Variants in KIAA2013 observed in about 807,000 individuals in gnomAD.
The protein encoded by KIAA2013 is uncharacterized protein KIAA2013.
Under a neutral mutation model 39.9 loss-of-function variants are expected in KIAA2013, and 20 were observed. The ratio of observed to expected loss-of-function variants is 0.50; its 90% CI spans 0.35 to 0.73. KIAA2013 has a LOEUF of 0.73. Among genes scored for constraint, KIAA2013 ranks in the 30% least tolerant of loss-of-function variants. KIAA2013 has a pLI of 0.01. For synonymous variants in KIAA2013, 336 were observed against 416.6 expected (o/e 0.81, Z 2.35); for missense variants, 587 against 856.1 (o/e 0.69, Z 3.92).
At chr1:11,921,785 G>A (rs1387133393) in intron 2 of KIAA2013, among the ~76,000 whole-genome samples, 1 of 151,876 alleles carries the variant, frequency 6.6e-6, no homozygotes, top group Non-Finnish European at 1.5e-5. Flanking sequence ...CCTGACCTCA[G>A]GTGATCTGCC....
At chr1:11,921,536 ATTATTAT>A (rs1278600073) in intron 2 of KIAA2013, among the ~76,000 whole-genome samples, 11 of 151,112 alleles carry the variant, frequency 7.3e-5, no homozygotes, top group African/African-American at 1.7e-4. Context: ...TTTTATTATT[ATTATTAT>A]TTATTATTTA....
At position 11,925,641 on chromosome 1, in the gene KIAA2013, G is replaced by C. The variant is rs184643995; in HGVS notation, c.597C>G (p.Pro199=). ...GCTGGATGCGCTGCAGGTAGACGTG[G>C]GGTCGGCCCCTGTGCGCCAGAAAGT... ...QEDFLAHRGR[P]HVYLQRIQLN... The change falls in exon 1 of 3, where the codon CCC becomes CCG. Residue 199 remains proline (P), a synonymous_variant. Coordinates refer to ENST00000376572, the MANE Select transcript of KIAA2013 (RefSeq NM_138346.3). This position sits in a 1 kb window ranked among gnomAD's most constrained non-coding sequence, Gnocchi z 5.2. 1.0e-3 allele frequency: 1,625 copies of C among 1,608,748 alleles called. 24 individuals carry two copies. The Admixed American group carries it at 0.017, about 17-fold the overall frequency.
At position 11,920,159 on chromosome 1, in the gene KIAA2013, A is replaced by T. The variant is rs1645466198; in HGVS notation, c.*156T>A. Reference sequence around the variant, plus strand: ...GTGACACTCATTCCTTCCAATGCAAACTCTGGTGTATCCACACTCACTTCT... The same window carrying T: ...GTGACACTCATTCCTTCCAATGCAATCTCTGGTGTATCCACACTCACTTCT... On this transcript the variant is annotated 3_prime_UTR_variant, in exon 3 of 3. Coordinates refer to ENST00000376572, the MANE Select transcript of KIAA2013 (RefSeq NM_138346.3). 1 of 790,328 alleles carries T rather than the reference A, an allele frequency of 1.3e-6. No individual in the cohort carries two copies. The highest frequency in any genetic ancestry group is 2.2e-6 in the Non-Finnish European group (1 of 449,236). 49.0% of individuals were successfully genotyped at this position (790,328 alleles called of 1,614,324 possible). A position where few individuals can be genotyped will look rare whatever the true frequency, so the allele number is the denominator to read the frequency against.
rs35040868 is a variant in KIAA2013 at position 11,922,152 on chromosome 1, ATT to A, written c.1887+482_1887+483del. 864 of 124,430 alleles carry A rather than the reference ATT, an allele frequency of 6.9e-3. 1 individual carries two copies. The highest frequency in any genetic ancestry group is 7.6e-3 in the African/African-American group (240 of 31,704). The allele number at this position is 124,430 out of a possible 1,614,324, so 7.7% of individuals were successfully genotyped here. Reference sequence around the variant, plus strand: ...CATGAGCCACCAGGCCCTGCCTCTAATTTTTTTTTTTTTTTTTTTTTTACTTT... The same window carrying A: ...CATGAGCCACCAGGCCCTGCCTCTAATTTTTTTTTTTTTTTTTTTTACTTT... On this transcript the variant is annotated intron_variant, in intron 2 of 2. Transcript: ENST00000376572.
intron 1 of KIAA2013, among the ~76,000 whole-genome samples, chr1:11,924,910 C>G (rs1406226275): frequency 6.6e-6 from 1 of 152,206 alleles, no homozygotes; most frequent in Middle Eastern, 3.2e-3. Context: ...TCACTCTGCT[C>G]ACATCAGGCC....
chr1:11,922,554 C>T (rs778928378), intron 2 of KIAA2013, 82 bp downstream of exon 2: 3 of 1,568,258 alleles, frequency 1.9e-6, no homozygotes, highest in Admixed American at 3.8e-5. Flanking sequence ...CTCACCCCCC[C>T]TCGCCAGGCT....
In KIAA2013 at chr1:11,923,471, ATCT is replaced by A. The variant is rs750737879; in HGVS notation, c.1049_1051del (p.Lys350del). On this transcript the variant is annotated inframe_deletion, in exon 2 of 3. Coordinates refer to ENST00000376572, the MANE Select transcript of KIAA2013 (RefSeq NM_138346.3). The surrounding 1 kb of genome is among the most constrained non-coding windows in gnomAD (Gnocchi z 4.6). The stretch of plus-strand genomic sequence containing the variant: ...GCCAGACGGCGTGTGGGTGTCAGTG[ATCT>A]TCTTCATTTCCACTCCTGCAACACC... 66 of 1,606,106 alleles carry A rather than the reference ATCT, an allele frequency of 4.1e-5. No individual in the cohort carries two copies. Among genetic ancestry groups the A allele is most frequent in the Non-Finnish European group, 4.9e-5 (58 of 1,179,978 alleles).
chr1:11,925,162 G>A lies in KIAA2013; in HGVS notation c.1033+43C>T, dbSNP rs1420170323. On this transcript the variant is annotated intron_variant, in intron 1 of 2. Coordinates refer to ENST00000376572, the MANE Select transcript of KIAA2013 (RefSeq NM_138346.3). The surrounding 1 kb of genome is among the most constrained non-coding windows in gnomAD (Gnocchi z 5.2). ...TTCAGTGTCACCTCTGCAGACTTGG[G>A]AGGGACATATCTAGGGTGGACCAAG... 3 of 1,507,152 alleles carry A rather than the reference G, an allele frequency of 2.0e-6. No individual in the cohort carries two copies. The highest frequency in any genetic ancestry group is 4.6e-5 in the East Asian group (2 of 43,922). The allele number at this position is 1,507,152 out of a possible 1,614,324, so 93.4% of individuals were successfully genotyped here. A position where few individuals can be genotyped will look rare whatever the true frequency, so the allele number is the denominator to read the frequency against.
intron 2 of KIAA2013, 142 bp downstream of exon 2, chr1:11,922,494 T>A: frequency 6.6e-7 from 1 of 1,523,780 alleles, no homozygotes. Flanking sequence ...TTGTGCGCGC[T>A]CTCTGGTGTC....
At position 11,925,270 on chromosome 1, in the gene KIAA2013, A is replaced by G; in HGVS notation, c.968T>C (p.Leu323Ser). Residue 323 changes from leucine to serine, a missense_variant, in exon 1 of 3, where the codon TTG becomes TCG. By Grantham distance (145) the Leu-to-Ser change is moderately radical. Coordinates refer to ENST00000376572, the MANE Select transcript of KIAA2013 (RefSeq NM_138346.3). The surrounding 1 kb of genome is among the most constrained non-coding windows in gnomAD (Gnocchi z 5.2). Reference protein sequence around the residue: ...DLARKEMLELLDMPAAELLQD... With the variant: ...DLARKEMLELSDMPAAELLQD... ...AAGCAGCTCCGCCGCTGGCATGTCCAAGAGCTCCAGCATTTCCTTCCGTGC... is the reference window on the plus strand; with the variant it reads ...AAGCAGCTCCGCCGCTGGCATGTCCGAGAGCTCCAGCATTTCCTTCCGTGC... 6.2e-7 allele frequency: 1 copy of G among 1,612,370 alleles called. No homozygotes were observed. The highest frequency in any genetic ancestry group is 8.5e-7 in the Non-Finnish European group (1 of 1,179,166).
rs61731864 is a variant in KIAA2013 at position 11,923,296 on chromosome 1, G to C, written c.1227C>G (p.Ala409=). 6.2e-7 allele frequency: 1 copy of C among 1,613,300 alleles called. No individual in the cohort carries two copies. Among genetic ancestry groups the C allele is most frequent in the Non-Finnish European group, 8.5e-7 (1 of 1,179,502 alleles). ...ACAGCCGCCCCGGCCACAGGTTCTC[G>C]GCGTGCATGGTGGCGTGCCCGCTGA... ...HCFSGHATMH[A]ENLWPGRLSS... Residue 409 remains alanine, a synonymous_variant, in exon 2 of 3, where the codon GCC becomes GCG. Coordinates refer to ENST00000376572, the MANE Select transcript of KIAA2013 (RefSeq NM_138346.3). This position sits in a 1 kb window ranked among gnomAD's most constrained non-coding sequence, Gnocchi z 4.6.
rs1344142225 is a variant in KIAA2013 at position 11,923,745 on chromosome 1, T to G, written c.1034-256A>C. Among the ~76,000 whole-genome samples, 2 of 152,114 alleles carry G rather than the reference T, an allele frequency of 1.3e-5. No individual in the cohort carries two copies. Among genetic ancestry groups the G allele is most frequent in the Non-Finnish European group, 2.9e-5 (2 of 67,996 alleles). ...GCCAGAGCCCAGAGGAACACAGACT[T>G]AGCCAGGACTTGGCACCAACCCTAT... On this transcript the variant is annotated intron_variant, in intron 1 of 2. Transcript: ENST00000376572. This position sits in a 1 kb window ranked among gnomAD's most constrained non-coding sequence, Gnocchi z 4.6.
Position 11,925,166 on chromosome 1 carries a change from G to T in KIAA2013, c.1033+39C>A. The stretch of plus-strand genomic sequence containing the variant: ...GTGTCACCTCTGCAGACTTGGGAGG[G>T]ACATATCTAGGGTGGACCAAGCGCT... On this transcript the variant is annotated intron_variant, in intron 1 of 2. Transcript: ENST00000376572. The surrounding 1 kb of genome is among the most constrained non-coding windows in gnomAD (Gnocchi z 5.2). 6.6e-7 allele frequency: 1 copy of T among 1,512,224 alleles called. No homozygotes were observed. Among genetic ancestry groups the T allele is most frequent in the Non-Finnish European group, 8.9e-7 (1 of 1,127,836 alleles). 93.7% of individuals were successfully genotyped at this position (1,512,224 alleles called of 1,614,324 possible). A position where few individuals can be genotyped will look rare whatever the true frequency, so the allele number is the denominator to read the frequency against.
rs1645487125 is a variant in KIAA2013 at position 11,923,397 on chromosome 1, G to C, written c.1126C>G (p.Pro376Ala). Reference protein sequence around the residue: ...LYYMLSCSPAPLLSPSLSHRE... With the variant: ...LYYMLSCSPAALLSPSLSHRE... Reference sequence around the variant, plus strand: ...TGGCTCAGGGAGGGGCTGAGCAGTGGGGCTGGCGAGCAGGAGAGCATGTAA... The same window carrying C: ...TGGCTCAGGGAGGGGCTGAGCAGTGCGGCTGGCGAGCAGGAGAGCATGTAA... Residue 376 changes from proline to alanine, a missense_variant, in exon 2 of 3, where the codon CCA becomes GCA. By Grantham distance (27) the Pro-to-Ala change is conservative (BLOSUM62 -1). Coordinates refer to ENST00000376572, the MANE Select transcript of KIAA2013 (RefSeq NM_138346.3). This position sits in a 1 kb window ranked among gnomAD's most constrained non-coding sequence, Gnocchi z 4.6. The C allele has an allele frequency of 6.2e-7, 1 of 1,612,930 alleles. No individual in the cohort carries two copies.
chr1:11,921,147 A>C (rs1448885839), intron 2 of KIAA2013, among the ~76,000 whole-genome samples: 1 of 152,156 alleles, frequency 6.6e-6, no homozygotes, highest in Non-Finnish European at 1.5e-5. Flanking sequence ...TTTCTTCTAC[A>C]ACTGCTAACA....
In KIAA2013 at chr1:11,925,763, A is replaced by T; in HGVS notation, c.475T>A (p.Ser159Thr). 6.5e-7 allele frequency: 1 copy of T among 1,543,654 alleles called. No individual in the cohort carries two copies. The highest frequency in any genetic ancestry group is 8.7e-7 in the Non-Finnish European group (1 of 1,152,682). The change falls in exon 1 of 3, where the codon TCC (serine) becomes ACC (threonine). Residue 159 changes from serine (S) to threonine (T), a missense_variant. Coordinates refer to ENST00000376572, the MANE Select transcript of KIAA2013 (RefSeq NM_138346.3). This position sits in a 1 kb window ranked among gnomAD's most constrained non-coding sequence, Gnocchi z 5.2. ...GCGGCCACGGGGCCAGGACCTGGGG[A>T]CCCCAGCTGCAGGCAACGCACGCGG... ...LRRVRCLQLGSPGPGPVAAGP... is the reference protein window; with the variant it reads ...LRRVRCLQLGTPGPGPVAAGP...
chr1:11,925,756 C>G lies in KIAA2013; in HGVS notation c.482G>C (p.Gly161Ala), dbSNP rs747145340. Residue 161 changes from glycine to alanine, a missense_variant, in exon 1 of 3, where the codon GGT (glycine) becomes GCT (alanine). Coordinates refer to ENST00000376572, the MANE Select transcript of KIAA2013 (RefSeq NM_138346.3). The surrounding 1 kb of genome is among the most constrained non-coding windows in gnomAD (Gnocchi z 5.2). ...GGGGCCGGCGGCCACGGGGCCAGGA[C>G]CTGGGGACCCCAGCTGCAGGCAACG... ...RVRCLQLGSP[G>A]PGPVAAGPGP... 9.1e-5 allele frequency: 141 copies of G among 1,545,452 alleles called. No individual in the cohort carries two copies. The highest frequency in any genetic ancestry group is 1.1e-4 in the Non-Finnish European group (131 of 1,153,338).
At chr1:11,920,549 G>T (rs1459642155) in intron 2 of KIAA2013, among the ~76,000 whole-genome samples, 4 of 152,186 alleles carry the variant, frequency 2.6e-5, no homozygotes, top group African/African-American at 9.7e-5. Flanking sequence ...GTCAAGGAGA[G>T]ATCGGTCAGT....
In KIAA2013 at chr1:11,923,210, C is replaced by A; in HGVS notation, c.1313G>T (p.Gly438Val). 1.2e-6 allele frequency: 2 copies of A among 1,613,770 alleles called. No homozygotes were observed. The highest frequency in any genetic ancestry group is 1.7e-6 in the Non-Finnish European group (2 of 1,179,852). Reference sequence around the variant, plus strand: ...ACCCACCTTCACCAGCCCCTTGCAGCCACGCTTCTGGAGGGTCAGCCTCCA... The same window carrying A: ...ACCCACCTTCACCAGCCCCTTGCAGACACGCTTCTGGAGGGTCAGCCTCCA... ...DLWRLTLQKR[G>V]CKGLVKVGAP... Residue 438 changes from glycine to valine, a missense_variant, in exon 2 of 3, where the codon GGC becomes GTC. Physicochemically the swap from Gly to Val is moderately radical, Grantham distance 109. Transcript: ENST00000376572. This position sits in a 1 kb window ranked among gnomAD's most constrained non-coding sequence, Gnocchi z 4.6.
Sources: gnomAD v4.1 joint callset for allele counts (sites outside exome capture counted in the v4.1 genomes callset) on GRCh38, gnomAD v4.1.1 for gene constraint, Gnocchi (gnomAD v3.1) non-coding constraint, MANE v1.5 for transcripts, NCBI Gene and HGNC (gene_info 2026-07-23, HGNC 2026-07-21) for gene names.